The following CYP19A1 variants were observed in gnomAD, a reference collection of about 807,000 sequenced individuals.
CYP19A1 encodes the protein aromatase.
A neutral mutation model predicts 44.4 loss-of-function variants in CYP19A1; 32 were observed. The observed-to-expected ratio is 0.72, with a 90% confidence interval of 0.54 to 0.97. The LOEUF (loss-of-function observed/expected upper bound fraction) is 0.97. Among genes scored for constraint, CYP19A1 ranks in the 50% least tolerant of loss-of-function variants. CYP19A1 has a pLI of 0.00. For missense variants in CYP19A1, 598 were observed against 637.8 expected (o/e 0.94, Z 0.67); for synonymous variants, 212 against 215.6 (o/e 0.98, Z 0.14).
intron 1 of CYP19A1, among the ~76,000 whole-genome samples, chr15:51,272,595 G>C (rs1174174487): frequency 6.6e-6 from 1 of 152,172 alleles, no homozygotes; most frequent in African/African-American, 2.4e-5. Context: ...ACAGAGAACT[G>C]TATATTAATG....
chr15:51,228,480 G>C (rs2032773969), intron 3 of CYP19A1, among the ~76,000 whole-genome samples: 1 of 152,226 alleles, frequency 6.6e-6, no homozygotes, highest in Non-Finnish European at 1.5e-5. Flanking sequence ...CTCCAGTGGA[G>C]TATCAGTCAG....
At chr15:51,329,586 G>T (rs2036668361) in intron 1 of CYP19A1, among the ~76,000 whole-genome samples, 1 of 152,212 alleles carries the variant, frequency 6.6e-6, no homozygotes, top group African/African-American at 2.4e-5. Flanking sequence ...TACCACCGGG[G>T]ATGAAGAAAG....
intron 3 of CYP19A1, among the ~76,000 whole-genome samples, chr15:51,233,384 C>A (rs552045077): frequency 6.6e-6 from 1 of 152,282 alleles, no homozygotes; most frequent in African/African-American, 2.4e-5. Flanking sequence ...TATTGTTGAC[C>A]TAGTGACGAC....
chr15:51,268,096 C>G (rs2140947581), intron 1 of CYP19A1, among the ~76,000 whole-genome samples: 1 of 152,354 alleles, frequency 6.6e-6, no homozygotes, highest in East Asian at 1.9e-4. Context: ...CCTCCCCCAT[C>G]CCATTTAAAG....
intron 1 of CYP19A1, among the ~76,000 whole-genome samples, chr15:51,274,003 T>TCACACA (rs34082137): frequency 6.7e-6 from 1 of 149,882 alleles, no homozygotes; most frequent in Non-Finnish European, 1.5e-5. Context: ...TGAAATTTTG[T>TCACACA]CACACACACA....
rs78648888 is a variant in CYP19A1 at position 51,323,495 on chromosome 15, C to CT, written c.-39+14999dup. On this transcript the variant is annotated intron_variant, in intron 1 of 9. Coordinates refer to ENST00000396402, the MANE Select transcript of CYP19A1 (RefSeq NM_000103.4). ...ATTTTTGGATTTGGATGTGTCTCTACTTTTTTTTTTTTTTCCAACCATGTG... is the reference window on the plus strand; with the variant it reads ...ATTTTTGGATTTGGATGTGTCTCTACTTTTTTTTTTTTTTTCCAACCATGTG... Among the ~76,000 whole-genome samples the CT allele has an allele frequency of 4.5e-3, 646 of 143,148 alleles. 1 individual carries two copies. The highest frequency in any genetic ancestry group is 0.012 in the African/African-American group (463 of 39,420). The allele number at this position is 143,148 out of a possible 152,430, so 93.9% of individuals were successfully genotyped here.
At chr15:51,312,343 T>C (rs545970471) in intron 1 of CYP19A1, 3 of 152,378 alleles carry the variant, frequency 2.0e-5, no homozygotes, top group East Asian at 3.9e-4. Flanking sequence ...CACCCATATA[T>C]GTAAACACAT....
At chr15:51,281,230 T>C (rs541372930) in intron 1 of CYP19A1, among the ~76,000 whole-genome samples, 1 of 152,236 alleles carries the variant, frequency 6.6e-6, no homozygotes, top group Non-Finnish European at 1.5e-5. Context: ...AAGACTCCAG[T>C]GTAGTGACCA....
Position 51,242,874 on chromosome 15 carries a change from G to C in CYP19A1, c.39C>G (p.Ile13Met), listed in dbSNP as rs774053181. 6.2e-7 allele frequency: 1 copy of C among 1,608,876 alleles called. No homozygotes were observed. Among genetic ancestry groups the C allele is most frequent in the Admixed American group, 1.7e-5 (1 of 60,004 alleles). Residue 13 changes from isoleucine to methionine, a missense_variant, in exon 2 of 10, where the codon ATC becomes ATG. Physicochemically the swap from Ile to Met is conservative, Grantham distance 10 (BLOSUM62 1). Coordinates refer to ENST00000396402, the MANE Select transcript of CYP19A1 (RefSeq NM_000103.4). ...LEMLNPIHYNITSIVPEAMPA... is the reference protein window; with the variant it reads ...LEMLNPIHYNMTSIVPEAMPA... ...GCATGGCTTCAGGCACGATGCTGGT[G>C]ATGTTATAATGTATCGGGTTCAGCA... is the stretch of plus-strand genomic sequence containing the variant.
intron 1 of CYP19A1, among the ~76,000 whole-genome samples, chr15:51,332,778 G>A (rs545137337): frequency 1.2e-4 from 19 of 152,246 alleles, no homozygotes; most frequent in Admixed American, 1.0e-3. Context: ...ATCTTCACAC[G>A]ATTGGCCTCA....
At chr15:51,253,487 T>C (rs954898088) in intron 1 of CYP19A1, among the ~76,000 whole-genome samples, 1 of 152,082 alleles carries the variant, frequency 6.6e-6, no homozygotes, top group African/African-American at 2.4e-5. Flanking sequence ...TATTAGGGGA[T>C]CATGTGAGAG....
chr15:51,297,872 T>C (rs959219699), intron 1 of CYP19A1, among the ~76,000 whole-genome samples: 2 of 65,908 alleles, frequency 3.0e-5, no homozygotes, highest in African/African-American at 1.5e-4. Flanking sequence ...ACACACACCC[T>C]AGGCCTGATG....
chr15:51,323,788 T>A (rs1465869832), intron 1 of CYP19A1: 5 of 152,196 alleles, frequency 3.3e-5, no homozygotes, highest in African/African-American at 1.2e-4. Flanking sequence ...CTTCCCATAC[T>A]GCATCCCCTC....
At chr15:51,305,117 C>T (rs995719751) in intron 1 of CYP19A1, among the ~76,000 whole-genome samples, 1 of 152,072 alleles carries the variant, frequency 6.6e-6, no homozygotes, top group Non-Finnish European at 1.5e-5. Flanking sequence ...CCAGGCTAGT[C>T]TCAAACTCCT....
chr15:51,243,021 A>C, intron 1 of CYP19A1, 71 bp from the exon 2 acceptor site: 1 of 809,970 alleles, frequency 1.2e-6, no homozygotes, highest in Non-Finnish European at 2.2e-6. Flanking sequence ...CTGTTGCTTC[A>C]GAGGGTGCTG....
chr15:51,220,419 G>A (rs1295253270), intron 5 of CYP19A1, among the ~76,000 whole-genome samples: 1 of 152,132 alleles, frequency 6.6e-6, no homozygotes, highest in Non-Finnish European at 1.5e-5. Context: ...TATCTGTCTT[G>A]CTTACTGTTA....
intron 1 of CYP19A1, among the ~76,000 whole-genome samples, chr15:51,326,968 T>G (rs1283093428): frequency 6.6e-6 from 1 of 152,148 alleles, no homozygotes; most frequent in East Asian, 1.9e-4. Flanking sequence ...GTGGGGAAAG[T>G]CTGGGGTCAA....
chr15:51,222,391 G>T lies in CYP19A1; in HGVS notation c.586C>A (p.Leu196Met), dbSNP rs2032176073. ...DVLTLLRRVM[L>M]DTSNTLFLRI... ...AAGAAGAGCGTGTTAGAGGTGTCCA[G>T]CATGACACGACGCAGAAGGGTCAAC... Residue 196 changes from leucine to methionine, a missense_variant, in exon 5 of 10, where the codon CTG becomes ATG. Leu to Met is a conservative substitution (Grantham distance 15, BLOSUM62 2). Transcript: ENST00000396402. 1 of 1,614,114 alleles carries T rather than the reference G, an allele frequency of 6.2e-7. No individual in the cohort carries two copies. Among genetic ancestry groups the T allele is most frequent in the Non-Finnish European group, 8.5e-7 (1 of 1,180,012 alleles).
At chr15:51,327,755 G>GA (rs944812700) in intron 1 of CYP19A1, among the ~76,000 whole-genome samples, 3 of 151,842 alleles carry the variant, frequency 2.0e-5, no homozygotes, top group Non-Finnish European at 1.5e-5. Context: ...CTCCGTCTCA[G>GA]AAAAAACAAA....
Sources: gnomAD v4.1 joint callset for allele counts (sites outside exome capture counted in the v4.1 genomes callset) on GRCh38, gnomAD v4.1.1 for gene constraint, MANE v1.5 for transcripts, NCBI Gene and HGNC (gene_info 2026-07-23, HGNC 2026-07-21) for gene names.